Variants in VEPH1 observed in about 807,000 individuals in gnomAD.
VEPH1 encodes the protein ventricular zone-expressed PH domain-containing protein homolog 1.
VEPH1 carries 80 observed loss-of-function variants against 85.2 expected under a neutral mutation model. That is an observed-to-expected ratio of 0.94 (90% CI 0.78 to 1.13). VEPH1 has a LOEUF of 1.13. Among genes scored for constraint, VEPH1 ranks in the 50% most tolerant of loss-of-function variants. The pLI is 0.00. For synonymous variants in VEPH1, 297 were observed against 348.0 expected (o/e 0.85, Z 1.63); for missense variants, 955 against 980.5 (o/e 0.97, Z 0.35).
chr3:157,288,330 T>G (rs1223083867), intron 11 of VEPH1, among the ~76,000 whole-genome samples: 1 of 152,210 alleles, frequency 6.6e-6, no homozygotes, highest in Non-Finnish European at 1.5e-5. Context: ...TTCTTAGAAT[T>G]TTCAAGGCTG....
At chr3:157,287,855 G>A (rs754198948) in intron 11 of VEPH1, among the ~76,000 whole-genome samples, 3 of 152,154 alleles carry the variant, frequency 2.0e-5, no homozygotes, top group Admixed American at 6.5e-5. Flanking sequence ...ATGAGCCACC[G>A]TGCATGGCCT....
chr3:157,372,486 C>G (rs1247751877), intron 7 of VEPH1, among the ~76,000 whole-genome samples: 1 of 152,202 alleles, frequency 6.6e-6, no homozygotes, highest in Non-Finnish European at 1.5e-5. Flanking sequence ...ATATTAAGAA[C>G]CATTTTTCCT....
At chr3:157,405,672 A>C (rs1456105) in intron 6 of VEPH1, among the ~76,000 whole-genome samples, 101,970 of 151,414 alleles carry the variant, frequency 0.67, 34,696 homozygotes, top group East Asian at 0.79. Flanking sequence ...CCTTCTTCCT[A>C]TTCCCCTGAC....
chr3:157,341,855 A>T (rs945031954), intron 9 of VEPH1, among the ~76,000 whole-genome samples: 1 of 152,166 alleles, frequency 6.6e-6, no homozygotes, highest in African/African-American at 2.4e-5. Context: ...GCCAGAAGAG[A>T]GTGGGGGCCA....
rs184430121 is a variant in VEPH1, at chr3:157,476,198, C to G, written c.139-5669G>C. Among the ~76,000 whole-genome samples, 583 of 152,266 alleles carry G rather than the reference C, an allele frequency of 3.8e-3. 3 individuals are homozygous for G. The highest frequency in any genetic ancestry group is 7.9e-3 in the South Asian group (38 of 4,820). ...AATCTACCAGCAACAGAGGCCCCTG[C>G]TAAGTCCTCAGAATGGCACCATCCC... On this transcript the variant is annotated intron_variant, in intron 2 of 13. Transcript: ENST00000362010.
chr3:157,500,793 G>A (rs528928451), intron 1 of VEPH1, among the ~76,000 whole-genome samples: 36 of 152,084 alleles, frequency 2.4e-4, no homozygotes, highest in Non-Finnish European at 4.4e-5. Flanking sequence ...CCAGTAAGAA[G>A]AGCAGAGTGA....
chr3:157,264,597 G>T (rs1559906969), intron 13 of VEPH1, among the ~76,000 whole-genome samples: 2 of 152,154 alleles, frequency 1.3e-5, no homozygotes, highest in South Asian at 4.1e-4. Flanking sequence ...CTTGACCCCA[G>T]TTATACCCTT....
chr3:157,282,720 C>T (rs1716293764), intron 12 of VEPH1, among the ~76,000 whole-genome samples: 1 of 152,200 alleles, frequency 6.6e-6, no homozygotes, highest in African/African-American at 2.4e-5. Context: ...CTAGGACAGA[C>T]CAGCTGACTA....
intron 4 of VEPH1, among the ~76,000 whole-genome samples, chr3:157,428,814 G>A (rs1007283015): frequency 3.2e-4 from 48 of 152,142 alleles, no homozygotes; most frequent in Non-Finnish European, 7.4e-5. Flanking sequence ...AAGAATTCCT[G>A]ATGATAAACA....
chr3:157,363,861 G>A (rs1726333697), intron 8 of VEPH1, 100 bp from the exon 9 acceptor site: 1 of 1,387,430 alleles, frequency 7.2e-7, no homozygotes, highest in South Asian at 1.4e-5. Context: ...TACTTCCTCT[G>A]GAGTGTGAAA....
intron 6 of VEPH1, among the ~76,000 whole-genome samples, chr3:157,397,276 T>TTCCATTGG (rs781015160): frequency 4.6e-4 from 70 of 152,204 alleles, no homozygotes; most frequent in Non-Finnish European, 8.4e-4. Flanking sequence ...CTCTATTCTG[T>TTCCATTGG]TCCATTGGTC....
In VEPH1 at chr3:157,313,702, T is replaced by C. The variant is rs1720396073; in HGVS notation, c.1929A>G (p.Arg643=). The C allele has an allele frequency of 6.2e-7, 1 of 1,613,952 alleles. No homozygotes were observed. Among genetic ancestry groups the C allele is most frequent in the Non-Finnish European group, 8.5e-7 (1 of 1,180,016 alleles). ...SIQSHSVQFL[R]ALWEKTQAGG... is the part of the protein sequence containing the mutation. ...CTGCCTGGGTCTTCTCCCACAGAGC[T>C]CTGAGGAATTGCACAGAATGACTCT... The change falls in exon 11 of 14, where the codon AGA becomes AGG. Residue 643 remains arginine (R), a synonymous_variant. Coordinates refer to ENST00000362010, the MANE Select transcript of VEPH1 (RefSeq NM_001167912.2).
intron 2 of VEPH1, among the ~76,000 whole-genome samples, chr3:157,483,248 G>A (rs1738302087): frequency 6.6e-6 from 1 of 151,842 alleles, no homozygotes; most frequent in African/African-American, 2.4e-5. Flanking sequence ...AGTGAGCTCA[G>A]AACTGACAGT....
At chr3:157,450,230 G>C (rs1374754429) in intron 4 of VEPH1, among the ~76,000 whole-genome samples, 2 of 151,386 alleles carry the variant, frequency 1.3e-5, no homozygotes, top group Non-Finnish European at 1.5e-5. Context: ...TAAATTCTTT[G>C]ATTTTTAGTA....
chr3:157,489,204 T>C, intron 2 of VEPH1: 1 of 456,510 alleles, frequency 2.2e-6, no homozygotes, highest in South Asian at 1.5e-5. Flanking sequence ...ATGTTACTTC[T>C]GCTCAGAACT....
chr3:157,386,426 A>G (rs1729310677), intron 6 of VEPH1, among the ~76,000 whole-genome samples: 1 of 152,074 alleles, frequency 6.6e-6, no homozygotes, highest in South Asian at 2.1e-4. Context: ...TGTACTCAGG[A>G]TTGAGATTTA....
intron 5 of VEPH1, among the ~76,000 whole-genome samples, chr3:157,424,810 C>T (rs1732629338): frequency 6.6e-6 from 1 of 152,090 alleles, no homozygotes; most frequent in Admixed American, 6.6e-5. Context: ...ATAAGGGAAG[C>T]AGAGCATAAA....
At chr3:157,264,834 G>A (rs1002177119) in intron 13 of VEPH1, among the ~76,000 whole-genome samples, 2 of 152,124 alleles carry the variant, frequency 1.3e-5, no homozygotes, top group African/African-American at 4.8e-5. Context: ...TCTTGATCCT[G>A]AATCAGGAGA....
chr3:157,274,638 C>T (rs780338827), intron 12 of VEPH1, among the ~76,000 whole-genome samples: 1 of 152,144 alleles, frequency 6.6e-6, no homozygotes, highest in Admixed American at 6.5e-5. Flanking sequence ...ACTAGGACTA[C>T]AAGTGCATGC....
Sources: gnomAD v4.1 joint callset for allele counts (sites outside exome capture counted in the v4.1 genomes callset) on GRCh38, gnomAD v4.1.1 for gene constraint, MANE v1.5 for transcripts, NCBI Gene and HGNC (gene_info 2026-07-23, HGNC 2026-07-21) for gene names.